The following CNTN2 variants were observed in gnomAD, a reference collection of about 807,000 sequenced individuals.
CNTN2 encodes the protein contactin 2.
In CNTN2, 53 loss-of-function variants were observed where a neutral mutation model predicts 117.5. The observed-to-expected ratio is 0.45, with a 90% CI of 0.36 to 0.57. The LOEUF (loss-of-function observed/expected upper bound fraction) is 0.57. CNTN2 is among the 20% of genes least tolerant of loss of function. The pLI is 0.00. For missense variants in CNTN2, 1,106 were observed against 1,404.3 expected (o/e 0.79, Z 3.39); for synonymous variants, 530 against 561.7 (o/e 0.94, Z 0.80).
intron 20 of CNTN2, 124 bp from the exon 21 acceptor site, chr1:205,072,359 A>ATGGG (rs10664521): frequency 0.85 from 735,830 of 865,338 alleles, 316,443 homozygotes; most frequent in East Asian, 0.97. Flanking sequence ...TTTCGTGGGC[A>ATGGG]TGACAGAATG....
chr1:205,044,405 G>A (rs2096437557), intron 1 of CNTN2, among the ~76,000 whole-genome samples: 1 of 151,464 alleles, frequency 6.6e-6, no homozygotes, highest in South Asian at 2.1e-4. Flanking sequence ...GCTACTTGGG[G>A]ATGGAGACGG....
In CNTN2 at chr1:205,073,584, G is replaced by T. The variant is rs1158291458; in HGVS notation, c.3014-72G>T. ...GGCCCTGTGAGTCTCCTTAGGAAAG[G>T]TCTCAATCTTGCCACAAGGGTGGGG... On this transcript the variant is annotated intron_variant, in intron 22 of 22. Coordinates refer to ENST00000331830, the MANE Select transcript of CNTN2 (RefSeq NM_005076.5). This position sits in a 1 kb window ranked among gnomAD's most constrained non-coding sequence, Gnocchi z 6.3. The T allele has an allele frequency of 8.7e-6, 12 of 1,383,346 alleles. No homozygotes were observed. Among genetic ancestry groups the T allele is most frequent in the Non-Finnish European group, 1.2e-5 (12 of 992,038 alleles). 85.7% of individuals were successfully genotyped at this position (1,383,346 alleles called of 1,614,324 possible). A position where few individuals can be genotyped will look rare whatever the true frequency, so the allele number is the denominator to read the frequency against.
At chr1:205,063,075 C>T (rs1482446216) in intron 10 of CNTN2, 1 of 152,320 alleles carries the variant, frequency 6.6e-6, no homozygotes, top group East Asian at 1.9e-4. Flanking sequence ...GTGACTTGAG[C>T]TCACTGAGCC....
intron 16 of CNTN2, 99 bp downstream of exon 16, chr1:205,067,349 ACCCTG>A: frequency 2.8e-6 from 4 of 1,432,226 alleles, no homozygotes; most frequent in Non-Finnish European, 3.8e-6. Flanking sequence ...CTGAGTTCCA[ACCCTG>A]CTCACAGGGT....
At chr1:205,044,634 T>C (rs11240340) in intron 1 of CNTN2, among the ~76,000 whole-genome samples, 21,145 of 152,168 alleles carry the variant, frequency 0.14, 2,041 homozygotes, top group East Asian at 0.5. Context: ...GGCAACAGTT[T>C]CGGCCTCCTC....
chr1:205,073,613 G>C lies in CNTN2; in HGVS notation c.3014-43G>C. On this transcript the variant is annotated intron_variant, in intron 22 of 22. Transcript: ENST00000331830. The surrounding 1 kb of genome is among the most constrained non-coding windows in gnomAD (Gnocchi z 6.3). Reference sequence around the variant, plus strand: ...CAATCTTGCCACAAGGGTGGGGCTAGGGTAGTCCCAGGCCCAGCTGACTCA... The same window carrying C: ...CAATCTTGCCACAAGGGTGGGGCTACGGTAGTCCCAGGCCCAGCTGACTCA... 6.4e-7 allele frequency: 1 copy of C among 1,561,642 alleles called. No individual in the cohort carries two copies. The highest frequency in any genetic ancestry group is 8.8e-7 in the Non-Finnish European group (1 of 1,138,918).
At position 205,061,175 on chromosome 1, in the gene CNTN2, G is replaced by T; in HGVS notation, c.798-70G>T. ...CAGGAGGGCCTGAGAGTCTGGGTAT[G>T]AGGAGCTGCGGGCACTGGAGGGGTA... is the stretch of plus-strand genomic sequence containing the variant. On this transcript the variant is annotated intron_variant, in intron 7 of 22. Coordinates refer to ENST00000331830, the MANE Select transcript of CNTN2 (RefSeq NM_005076.5). The surrounding 1 kb of genome is among the most constrained non-coding windows in gnomAD (Gnocchi z 4.8). The T allele has an allele frequency of 1.3e-5, 20 of 1,504,060 alleles. No homozygotes were observed. Among genetic ancestry groups the T allele is most frequent in the Non-Finnish European group, 1.7e-5 (19 of 1,110,264 alleles). The allele number at this position is 1,504,060 out of a possible 1,614,324, so 93.2% of individuals were successfully genotyped here.
chr1:205,066,385 G>A, intron 14 of CNTN2, 56 bp from the exon 15 acceptor site: 1 of 1,586,836 alleles, frequency 6.3e-7, no homozygotes, highest in South Asian at 1.2e-5. Flanking sequence ...GAGGAGGTTG[G>A]CTCAAATTGG....
In CNTN2 at chr1:205,062,007, A is replaced by AGACATGGGGCTT; in HGVS notation, c.1110+7_1110+18dup. ...GGGAGCCTCTGGCCTCCCAGGTAGG[A>AGACATGGGGCTT]GACATGGGGCTTCCCCCGACACATC... On this transcript the variant is annotated splice_region_variant and intron_variant, in intron 9 of 22. Transcript: ENST00000331830. 6.2e-7 allele frequency: 1 copy of AGACATGGGGCTT among 1,612,794 alleles called. No homozygotes were observed. Among genetic ancestry groups the AGACATGGGGCTT allele is most frequent in the East Asian group, 2.2e-5 (1 of 44,834 alleles).
chr1:205,062,016 G>T lies in CNTN2; in HGVS notation c.1110+15G>T. ...TGGCCTCCCAGGTAGGAGACATGGG[G>T]CTTCCCCCGACACATCACAACTGTC... On this transcript the variant is annotated intron_variant, in intron 9 of 22. Transcript: ENST00000331830. The T allele has an allele frequency of 6.2e-7, 1 of 1,611,612 alleles. No individual in the cohort carries two copies. Among genetic ancestry groups the T allele is most frequent in the Non-Finnish European group, 8.5e-7 (1 of 1,179,250 alleles).
chr1:205,066,743 G>T, intron 15 of CNTN2, 144 bp downstream of exon 15: 2 of 996,442 alleles, frequency 2.0e-6, no homozygotes, highest in Non-Finnish European at 1.4e-6. Context: ...TCCTCTGCCA[G>T]CAGAGAGCAT....
chr1:205,065,624 G>A lies in CNTN2; in HGVS notation c.1696-165G>A, dbSNP rs1654240741. Among the ~76,000 whole-genome samples the A allele has an allele frequency of 7.0e-6, 1 of 143,812 alleles. No homozygotes were observed. The highest frequency in any genetic ancestry group is 2.1e-4 in the South Asian group (1 of 4,680). 94.3% of individuals were successfully genotyped at this position (143,812 alleles called of 152,430 possible). On this transcript the variant is annotated intron_variant, in intron 13 of 22. Transcript: ENST00000331830. The surrounding 1 kb of genome is among the most constrained non-coding windows in gnomAD (Gnocchi z 4.1). Reference sequence around the variant, plus strand: ...TTAGTCCCCAGTGGTTCTAAGTGATGAGTCGTGATTCCTCCCATTGAGCAG... The same window carrying A: ...TTAGTCCCCAGTGGTTCTAAGTGATAAGTCGTGATTCCTCCCATTGAGCAG...
intron 12 of CNTN2, 51 bp downstream of exon 12, chr1:205,064,801 G>A (rs1654191555): frequency 6.2e-7 from 1 of 1,602,708 alleles, no homozygotes; most frequent in African/African-American, 1.3e-5. Context: ...TCAGGGTACT[G>A]TCCTCCCCAT....
rs1420350059 is a variant in CNTN2 at position 205,061,018 on chromosome 1, CA to C, written c.798-226del. 1 of 512,440 alleles carries C rather than the reference CA, an allele frequency of 2.0e-6. No homozygotes were observed. Among genetic ancestry groups the C allele is most frequent in the African/African-American group, 2.0e-5 (1 of 50,962 alleles). 31.7% of individuals were successfully genotyped at this position (512,440 alleles called of 1,614,324 possible). On this transcript the variant is annotated intron_variant, in intron 7 of 22. Coordinates refer to ENST00000331830, the MANE Select transcript of CNTN2 (RefSeq NM_005076.5). This position sits in a 1 kb window ranked among gnomAD's most constrained non-coding sequence, Gnocchi z 4.8. ...GGCTTCACTGGCTCCAGGGTTGTTG[CA>C]GGGGGGATGGGTAGAGCAGCCCTGC...
chr1:205,058,985 G>T lies in CNTN2; in HGVS notation c.488-99G>T. On this transcript the variant is annotated intron_variant, in intron 5 of 22. Transcript: ENST00000331830. The surrounding 1 kb of genome is among the most constrained non-coding windows in gnomAD (Gnocchi z 4.3). ...CAGTTCAGAGCATGGTGGCTGTCAG[G>T]ACAGGGCTTGCAGAACCGCACCAGC... The T allele has an allele frequency of 9.4e-7, 1 of 1,067,302 alleles. No individual in the cohort carries two copies. The highest frequency in any genetic ancestry group is 1.4e-5 in the South Asian group (1 of 69,674). 66.1% of individuals were successfully genotyped at this position (1,067,302 alleles called of 1,614,324 possible). A position where few individuals can be genotyped will look rare whatever the true frequency, so the allele number is the denominator to read the frequency against.
rs1230192409 is a variant in CNTN2 at position 205,076,201 on chromosome 1, C to T, written c.*2436C>T. On this transcript the variant is annotated 3_prime_UTR_variant, in exon 23 of 23. Transcript: ENST00000331830. The stretch of plus-strand genomic sequence containing the variant: ...AAAACTGAGCCCCAGGAAAACCTAA[C>T]CACTGGGCAGGCAGAATTTGTTTGA... 1 of 152,172 alleles carries T rather than the reference C, an allele frequency of 6.6e-6. No individual in the cohort carries two copies. The highest frequency in any genetic ancestry group is 2.4e-5 in the African/African-American group (1 of 41,440). 9.4% of individuals were successfully genotyped at this position (152,172 alleles called of 1,614,324 possible).
In CNTN2 at chr1:205,061,198, G is replaced by T. The variant is rs773019018; in HGVS notation, c.798-47G>T. On this transcript the variant is annotated intron_variant, in intron 7 of 22. Coordinates refer to ENST00000331830, the MANE Select transcript of CNTN2 (RefSeq NM_005076.5). This position sits in a 1 kb window ranked among gnomAD's most constrained non-coding sequence, Gnocchi z 4.8. The stretch of plus-strand genomic sequence containing the variant: ...ATGAGGAGCTGCGGGCACTGGAGGG[G>T]TAGGCCCAGCTCAGCCCACACCCTC... The T allele has an allele frequency of 3.9e-6, 6 of 1,553,452 alleles. No individual in the cohort carries two copies. The highest frequency in any genetic ancestry group is 1.4e-5 in the African/African-American group (1 of 73,614).
intron 2 of CNTN2, among the ~76,000 whole-genome samples, chr1:205,054,962 G>A (rs1460484755): frequency 6.6e-6 from 1 of 152,142 alleles, no homozygotes; most frequent in East Asian, 1.9e-4. Flanking sequence ...GAATAAGGAA[G>A]GGCTGGCCTC....
intron 16 of CNTN2, chr1:205,069,284 A>C: frequency 1.8e-6 from 1 of 559,912 alleles, no homozygotes; most frequent in Non-Finnish European, 3.2e-6. Flanking sequence ...TTGCCCAGGG[A>C]AGCACAGCTA....
Sources: gnomAD v4.1 joint callset for allele counts (sites outside exome capture counted in the v4.1 genomes callset) on GRCh38, gnomAD v4.1.1 for gene constraint, Gnocchi (gnomAD v3.1) non-coding constraint, MANE v1.5 for transcripts, NCBI Gene and HGNC (gene_info 2026-07-23, HGNC 2026-07-21) for gene names.